Variants in ABCA13 observed in about 807,000 individuals in gnomAD.
ABCA13 encodes the protein ATP binding cassette subfamily A member 13, also known as ATP-binding cassette sub-family A member 13.
ABCA13 carries 476 observed loss-of-function variants against 478.7 expected under a neutral mutation model. The observed-to-expected ratio is 0.99, with a 90% CI of 0.92 to 1.07. The LOEUF is 1.07. ABCA13 is among the 50% of genes least tolerant of loss of function. The probability of loss-of-function intolerance (pLI) is 0.00; values close to 1 mark genes in which losing one functional copy is unlikely to be tolerated. For synonymous variants in ABCA13, 2,252 were observed against 2,158.9 expected (o/e 1.04, Z -1.20); for missense variants, 6,060 against 5,910.6 (o/e 1.03, Z -0.83).
At chr7:48,459,998 A>G (rs575107438) in intron 43 of ABCA13, among the ~76,000 whole-genome samples, 6 of 152,204 alleles carry the variant, frequency 3.9e-5, no homozygotes, top group African/African-American at 1.4e-4. Flanking sequence ...ACCCTGGCCC[A>G]CTGTCTGCTG....
intron 29 of ABCA13, among the ~76,000 whole-genome samples, chr7:48,348,926 C>G (rs1343360133): frequency 2.0e-5 from 3 of 152,172 alleles, no homozygotes; most frequent in African/African-American, 7.2e-5. Flanking sequence ...TCATATGGTT[C>G]CACTCAATAT....
chr7:48,273,715 T>C lies in ABCA13; in HGVS notation c.4049T>C (p.Phe1350Ser). 6.2e-7 allele frequency: 1 copy of C among 1,608,912 alleles called. No individual in the cohort carries two copies. ...DRDLFSCADIFQNVTECILED... is the reference protein window; with the variant it reads ...DRDLFSCADISQNVTECILED... Reference sequence around the variant, plus strand: ...GATTTGTTTTCCTGTGCTGATATTTTCCAAAATGTTACTGAGTGTATTTTA... The same window carrying C: ...GATTTGTTTTCCTGTGCTGATATTTCCCAAAATGTTACTGAGTGTATTTTA... Residue 1350 changes from phenylalanine to serine, a missense_variant, in exon 17 of 62, where the codon TTC becomes TCC. Phe to Ser is a radical substitution (Grantham distance 155, BLOSUM62 -2). Coordinates refer to ENST00000435803, the MANE Select transcript of ABCA13 (RefSeq NM_152701.5).
At chr7:48,203,901 A>C (rs1784554397) in intron 3 of ABCA13, among the ~76,000 whole-genome samples, 2 of 152,074 alleles carry the variant, frequency 1.3e-5, no homozygotes, top group Admixed American at 1.3e-4. Context: ...AAATGTTTCC[A>C]GCCATTTCCT....
chr7:48,481,409 CA>C (rs1246371623), intron 46 of ABCA13, among the ~76,000 whole-genome samples: 1 of 151,830 alleles, frequency 6.6e-6, no homozygotes, highest in Non-Finnish European at 1.5e-5. Context: ...CAAAAACAAA[CA>C]AAAAAAATTC....
At chr7:48,296,761 G>A (rs1478448509) in intron 21 of ABCA13, among the ~76,000 whole-genome samples, 4 of 152,044 alleles carry the variant, frequency 2.6e-5, no homozygotes, top group East Asian at 3.8e-4. Flanking sequence ...GCACCCGGTC[G>A]CAAATATTTT....
intron 55 of ABCA13, among the ~76,000 whole-genome samples, chr7:48,570,570 G>A (rs953422016): frequency 4.0e-5 from 6 of 151,486 alleles, no homozygotes; most frequent in African/African-American, 1.2e-4. Context: ...TGATCCACCC[G>A]CCTCGGCCTC....
intron 43 of ABCA13, among the ~76,000 whole-genome samples, chr7:48,457,380 G>A (rs1427836466): frequency 6.6e-6 from 1 of 151,822 alleles, no homozygotes; most frequent in South Asian, 2.1e-4. Flanking sequence ...TTCTGAGACC[G>A]CTGAGAATTT....
At chr7:48,251,147 A>C (rs1792492740) in intron 15 of ABCA13, among the ~76,000 whole-genome samples, 1 of 152,070 alleles carries the variant, frequency 6.6e-6, no homozygotes, top group South Asian at 2.1e-4. Flanking sequence ...GTTGATGGTA[A>C]CTTCTCCAAT....
chr7:48,302,214 G>A lies in ABCA13; in HGVS notation c.9321+3727G>A, dbSNP rs770894299. Among the ~76,000 whole-genome samples the A allele has an allele frequency of 5.3e-5, 8 of 152,132 alleles. No homozygotes were observed. The East Asian group carries it at 1.2e-3, about 22-fold the overall frequency. On this transcript the variant is annotated intron_variant, in intron 23 of 61. Coordinates refer to ENST00000435803, the MANE Select transcript of ABCA13 (RefSeq NM_152701.5). ...AGTTCTAAGAAAATTACTGCTTGCC[G>A]ATGGGTTTCCTCTTCTCCTACTTGC... is the stretch of plus-strand genomic sequence containing the variant.
chr7:48,528,374 G>T, intron 55 of ABCA13, 29 bp downstream of exon 55: 1 of 1,454,540 alleles, frequency 6.9e-7, no homozygotes, highest in Non-Finnish European at 9.2e-7. Flanking sequence ...CATTTTTGTT[G>T]CTTAAAGAGA....
At chr7:48,462,874 T>G (rs1443552766) in intron 43 of ABCA13, among the ~76,000 whole-genome samples, 1 of 152,210 alleles carries the variant, frequency 6.6e-6, no homozygotes, top group African/African-American at 2.4e-5. Flanking sequence ...TTTACCTCCT[T>G]TTAGAACTCC....
Position 48,310,129 on chromosome 7 carries a change from T to C in ABCA13, c.9504T>C (p.Ala3168=), listed in dbSNP as rs1397400393. Residue 3168 remains alanine (A), a synonymous_variant, in exon 24 of 62, where the codon GCT becomes GCC. Coordinates refer to ENST00000435803, the MANE Select transcript of ABCA13 (RefSeq NM_152701.5). ...VLLSRNLDVR[A]FIYKTLMPSE... ...TGAGTCGAAACTTGGATGTGCGAGC[T>C]TTCATTTACAAGGTATGGAGAGCAT... 1 of 1,609,528 alleles carries C rather than the reference T, an allele frequency of 6.2e-7. No homozygotes were observed. Among genetic ancestry groups the C allele is most frequent in the African/African-American group, 1.3e-5 (1 of 74,974 alleles).
chr7:48,429,830 GTTTA>G (rs1008612185), intron 42 of ABCA13, among the ~76,000 whole-genome samples: 3 of 152,062 alleles, frequency 2.0e-5, no homozygotes, highest in South Asian at 2.1e-4. Flanking sequence ...TTTGTTTTTT[GTTTA>G]TTTATTTATT....
At chr7:48,225,135 GCCTTCCTTCCTT>G (rs1202516045) in intron 5 of ABCA13, among the ~76,000 whole-genome samples, 91 of 69,884 alleles carry the variant, frequency 1.3e-3, no homozygotes, top group South Asian at 3.0e-3. Flanking sequence ...CTGCCTGCCT[GCCTTCCTTCCTT>G]CCTTCCTTCC....
intron 43 of ABCA13, among the ~76,000 whole-genome samples, chr7:48,464,202 C>T (rs1408762810): frequency 6.6e-6 from 1 of 152,096 alleles, no homozygotes; most frequent in Non-Finnish European, 1.5e-5. Context: ...AGTTTGAAGG[C>T]AACAAAAGAG....
chr7:48,218,273 T>C (rs1382774396), intron 3 of ABCA13, among the ~76,000 whole-genome samples: 1 of 152,226 alleles, frequency 6.6e-6, no homozygotes, highest in East Asian at 1.9e-4. Context: ...GTTTGAATCA[T>C]GGTTCATAGC....
intron 55 of ABCA13, among the ~76,000 whole-genome samples, chr7:48,547,232 G>A (rs1199708259): frequency 6.6e-6 from 1 of 151,820 alleles, no homozygotes; most frequent in Non-Finnish European, 1.5e-5. Context: ...TTTCAGAACT[G>A]CTGCACAGTC....
intron 1 of ABCA13, among the ~76,000 whole-genome samples, chr7:48,182,661 C>T (rs985632626): frequency 1.3e-5 from 2 of 151,780 alleles, no homozygotes; most frequent in African/African-American, 2.4e-5. Context: ...CTACTCCTCA[C>T]AAAAAAAGAG....
At chr7:48,338,629 A>G (rs890134520) in intron 29 of ABCA13, among the ~76,000 whole-genome samples, 174 bp downstream of exon 29, 2 of 152,186 alleles carry the variant, frequency 1.3e-5, no homozygotes, top group African/African-American at 2.4e-5. Flanking sequence ...AATACTCCCC[A>G]AAGTTTGTTT....
Sources: gnomAD v4.1 joint callset for allele counts (sites outside exome capture counted in the v4.1 genomes callset) on GRCh38, gnomAD v4.1.1 for gene constraint, MANE v1.5 for transcripts, NCBI Gene and HGNC (gene_info 2026-07-23, HGNC 2026-07-21) for gene names.